ZYG11A: variants seen among roughly 807,000 people sequenced by gnomAD.
The protein encoded by ZYG11A is zyg-11 family member A, cell cycle regulator.
A neutral mutation model predicts 77.2 loss-of-function variants in ZYG11A; 62 were observed. The ratio of observed to expected loss-of-function variants is 0.80; its 90% CI spans 0.65 to 0.99. The LOEUF is 0.99. Among genes scored for constraint, ZYG11A ranks in the 50% least tolerant of loss-of-function variants. The pLI is 0.00. For missense variants in ZYG11A, 828 were observed against 896.8 expected, an observed-to-expected ratio of 0.92 and a Z score of 0.98; for synonymous variants, 315 against 324.6, an observed-to-expected ratio of 0.97 and a Z score of 0.32.
intron 1 of ZYG11A, among the ~76,000 whole-genome samples, chr1:52,846,949 G>A (rs1410049029): frequency 1.3e-5 from 2 of 151,244 alleles, no homozygotes; most frequent in Admixed American, 6.6e-5. Flanking sequence ...CCGGGTTCAC[G>A]CCATTCTCCT....
At chr1:52,860,619 A>G in intron 3 of ZYG11A, 112 bp from the exon 4 acceptor site, 1 of 1,179,048 alleles carries the variant, frequency 8.5e-7, no homozygotes, top group African/African-American at 1.5e-5. Context: ...ATTTAATTGA[A>G]CATTTGTTGT....
At chr1:52,868,125 C>G (rs1646063868) in intron 8 of ZYG11A, among the ~76,000 whole-genome samples, 1 of 151,584 alleles carries the variant, frequency 6.6e-6, no homozygotes, top group African/African-American at 2.4e-5. Context: ...GTCACCACAC[C>G]TGGCTAATTT....
chr1:52,857,860 A>C, intron 3 of ZYG11A, 111 bp downstream of exon 3: 1 of 847,218 alleles, frequency 1.2e-6, no homozygotes, highest in Non-Finnish European at 1.7e-6. Context: ...AGATAAAAAA[A>C]TCCTTAAAGA....
intron 5 of ZYG11A, among the ~76,000 whole-genome samples, chr1:52,866,241 G>T (rs1461013669): frequency 1.3e-5 from 2 of 152,048 alleles, no homozygotes; most frequent in Non-Finnish European, 2.9e-5. Flanking sequence ...CCGGCCAAGG[G>T]AGTTGATTTT....
intron 3 of ZYG11A, 76 bp downstream of exon 3, chr1:52,857,825 T>C (rs1325361488): frequency 6.2e-6 from 8 of 1,284,002 alleles, no homozygotes; most frequent in Non-Finnish European, 8.4e-6. Context: ...CCAGACTTTT[T>C]ACTAGGTATT....
At position 52,857,107 on chromosome 1, in the gene ZYG11A, C is replaced by T; in HGVS notation, c.366C>T (p.Phe122=). 1 of 1,551,802 alleles carries T rather than the reference C, an allele frequency of 6.4e-7. No homozygotes were observed. Among genetic ancestry groups the T allele is most frequent in the East Asian group, 2.4e-5 (1 of 40,924 alleles). Residue 122 remains phenylalanine (F), a synonymous_variant, in exon 3 of 14, where the codon TTC becomes TTT. Coordinates refer to ENST00000371528, the MANE Select transcript of ZYG11A (RefSeq NM_001004339.3). Reference sequence around the variant, plus strand: ...CTACAGCTGCATTCATAAAAGCCTTCTGCCGTCATAAGCTCATTGAACTGA... The same window carrying T: ...CTACAGCTGCATTCATAAAAGCCTTTTGCCGTCATAAGCTCATTGAACTGA... ...KISTAAFIKA[F]CRHKLIELNA... is the part of the protein sequence containing the mutation.
chr1:52,891,555 A>G (rs1646543907), intron 13 of ZYG11A, among the ~76,000 whole-genome samples: 2 of 151,882 alleles, frequency 1.3e-5, no homozygotes, highest in South Asian at 4.1e-4. Flanking sequence ...TGTAAACTCA[A>G]ACCTTATTAC....
At chr1:52,869,258 T>G (rs1167823510) in intron 8 of ZYG11A, among the ~76,000 whole-genome samples, 1 of 151,248 alleles carries the variant, frequency 6.6e-6, no homozygotes, top group East Asian at 1.9e-4. Flanking sequence ...CTTTTTTTTT[T>G]TCTTTATTGA....
intron 4 of ZYG11A, among the ~76,000 whole-genome samples, chr1:52,862,760 G>C (rs962580967): frequency 6.6e-6 from 1 of 152,058 alleles, no homozygotes; most frequent in Non-Finnish European, 1.5e-5. Flanking sequence ...GATTGAATTA[G>C]ATGTTCTTCT....
rs1646595016 is a variant in ZYG11A at position 52,894,625 on chromosome 1, A to G, written c.*1668A>G. 6.6e-6 allele frequency: 1 copy of G among 152,222 alleles called. No homozygotes were observed. 9.4% of individuals were successfully genotyped at this position (152,222 alleles called of 1,614,324 possible). The stretch of plus-strand genomic sequence containing the variant: ...GCTGGCTTGGTTCAGATTCTTAACT[A>G]GAGTACCATGTACTGTCTTTGGAAA... On this transcript the variant is annotated 3_prime_UTR_variant, in exon 14 of 14. Coordinates refer to ENST00000371528, the MANE Select transcript of ZYG11A (RefSeq NM_001004339.3).
chr1:52,860,617 G>A (rs1645909752), intron 3 of ZYG11A, 114 bp from the exon 4 acceptor site: 2 of 1,172,244 alleles, frequency 1.7e-6, no homozygotes, highest in Non-Finnish European at 1.2e-6. Flanking sequence ...ACATTTAATT[G>A]AACATTTGTT....
Position 52,844,205 on chromosome 1 carries a change from G to A in ZYG11A, c.90+1232G>A, listed in dbSNP as rs375493789. 7.9e-4 allele frequency among the ~76,000 whole-genome samples: 121 copies of A among 152,236 alleles called. 2 individuals carry two copies. In the South Asian group the frequency reaches 0.025, roughly 31 times the overall value. On this transcript the variant is annotated intron_variant, in intron 1 of 13. Transcript: ENST00000371528. ...TCGAGGGATTGAGTGGTGAAGGCTCGACCCAAAATTTATGGAGAGAAGGAA... is the reference window on the plus strand; with the variant it reads ...TCGAGGGATTGAGTGGTGAAGGCTCAACCCAAAATTTATGGAGAGAAGGAA...
At chr1:52,870,436 G>T (rs1270037215) in intron 8 of ZYG11A, among the ~76,000 whole-genome samples, 1 of 152,142 alleles carries the variant, frequency 6.6e-6, no homozygotes, top group African/African-American at 2.4e-5. Flanking sequence ...AGGCAGAGAC[G>T]CCCCTCACTT....
At chr1:52,875,217 G>T (rs896871657) in intron 8 of ZYG11A, among the ~76,000 whole-genome samples, 1 of 152,196 alleles carries the variant, frequency 6.6e-6, no homozygotes, top group African/African-American at 2.4e-5. Flanking sequence ...GATTTGACAA[G>T]AGGAAGTCAT....
At chr1:52,884,437 A>G (rs1646412610) in intron 11 of ZYG11A, among the ~76,000 whole-genome samples, 1 of 148,924 alleles carries the variant, frequency 6.7e-6, no homozygotes, top group African/African-American at 2.5e-5. Context: ...TGGAGCTTGC[A>G]GTGAGCCGAG....
chr1:52,843,954 G>A (rs1197029711), intron 1 of ZYG11A, among the ~76,000 whole-genome samples: 1 of 152,126 alleles, frequency 6.6e-6, no homozygotes, highest in African/African-American at 2.4e-5. Flanking sequence ...CCAGAGTGCT[G>A]GGATTACAGG....
intron 8 of ZYG11A, among the ~76,000 whole-genome samples, chr1:52,871,491 A>C (rs900997922): frequency 6.7e-6 from 1 of 150,210 alleles, no homozygotes; most frequent in Non-Finnish European, 1.5e-5. Flanking sequence ...TCTACTCACT[A>C]ACTTTTATCT....
intron 13 of ZYG11A, among the ~76,000 whole-genome samples, chr1:52,888,257 TTAATG>T (rs990601854): frequency 1.3e-5 from 2 of 152,234 alleles, no homozygotes; most frequent in African/African-American, 4.8e-5. Context: ...TTTCAGTTTA[TTAATG>T]TAATATAATT....
chr1:52,873,984 CA>C (rs529381750), intron 8 of ZYG11A, among the ~76,000 whole-genome samples: 37 of 141,338 alleles, frequency 2.6e-4, no homozygotes, highest in Admixed American at 3.6e-4. Context: ...AACTCCGTCT[CA>C]AAAAAAAAAA....
Sources: allele counts gnomAD v4.1 joint callset (sites outside exome capture counted in the v4.1 genomes callset), GRCh38; gene constraint gnomAD v4.1.1; transcripts MANE v1.5; gene names NCBI Gene and HGNC (gene_info 2026-07-23, HGNC 2026-07-21).